Variants in ZBTB16 observed in about 807,000 individuals in gnomAD.
ZBTB16 encodes zinc finger and BTB domain-containing protein 16.
In ZBTB16, 8 loss-of-function variants were observed where a neutral mutation model predicts 56.8. The ratio of observed to expected loss-of-function variants is 0.14; its 90% CI spans 0.08 to 0.25. ZBTB16 has a LOEUF of 0.25. Ranked by LOEUF, ZBTB16 falls within the 10% of genes least tolerant of loss-of-function variation. The probability of loss-of-function intolerance (pLI) is 1.00; values close to 1 mark genes in which losing one functional copy is unlikely to be tolerated. For missense variants in ZBTB16, 625 were observed against 903.0 expected (o/e 0.69, Z 3.95); for synonymous variants, 363 against 368.5 (o/e 0.98, Z 0.17).
intron 2 of ZBTB16, among the ~76,000 whole-genome samples, chr11:114,072,827 C>T (rs562970783): frequency 2.0e-5 from 3 of 151,910 alleles, no homozygotes; most frequent in Non-Finnish European, 2.9e-5. Context: ...CCGAGGCGGG[C>T]GGATCACGAG....
intron 4 of ZBTB16, among the ~76,000 whole-genome samples, chr11:114,233,601 TCTC>T (rs1198517946): frequency 2.0e-5 from 3 of 152,032 alleles, no homozygotes; most frequent in East Asian, 1.9e-4. Flanking sequence ...ACCAAACTTC[TCTC>T]CTCCTTTTTT....
intron 2 of ZBTB16, among the ~76,000 whole-genome samples, chr11:114,116,328 C>G (rs2037326245): frequency 1.3e-5 from 2 of 152,126 alleles, no homozygotes; most frequent in South Asian, 4.1e-4. Context: ...TACTGGACCC[C>G]AGGTGTGTGT....
chr11:114,142,506 G>A (rs1941979661), intron 2 of ZBTB16, among the ~76,000 whole-genome samples: 1 of 152,216 alleles, frequency 6.6e-6, no homozygotes, highest in Non-Finnish European at 1.5e-5. Context: ...CAGAAATGAG[G>A]TGTTCAACAT....
intron 2 of ZBTB16, among the ~76,000 whole-genome samples, chr11:114,079,584 G>A (rs1318320828): frequency 6.6e-6 from 1 of 152,202 alleles, no homozygotes; most frequent in Non-Finnish European, 1.5e-5. Flanking sequence ...GAATGTTTGG[G>A]AATTCTTTCT....
chr11:114,092,165 G>C, intron 2 of ZBTB16, among the ~76,000 whole-genome samples: 1 of 152,196 alleles, frequency 6.6e-6, no homozygotes, highest in Non-Finnish European at 1.5e-5. Flanking sequence ...TGAAACAGGA[G>C]ACCCGAGAGG....
At chr11:114,132,011 G>C (rs1182096901) in intron 2 of ZBTB16, among the ~76,000 whole-genome samples, 1 of 152,106 alleles carries the variant, frequency 6.6e-6, no homozygotes, top group Non-Finnish European at 1.5e-5. Flanking sequence ...GTGTGTGAAA[G>C]GGGGAGCGGC....
intron 2 of ZBTB16, among the ~76,000 whole-genome samples, chr11:114,112,185 A>G (rs1941027182): frequency 6.6e-6 from 1 of 152,192 alleles, no homozygotes; most frequent in Non-Finnish European, 1.5e-5. Flanking sequence ...CTTTCGATAT[A>G]AATCAGAAAA....
intron 3 of ZBTB16, among the ~76,000 whole-genome samples, chr11:114,172,088 A>ACCTG (rs1477214004): frequency 2.0e-5 from 3 of 152,128 alleles, no homozygotes; most frequent in African/African-American, 7.2e-5. Context: ...GCTGAATGGA[A>ACCTG]CCTGAGAAAT....
intron 2 of ZBTB16, among the ~76,000 whole-genome samples, chr11:114,090,879 CAT>C (rs1940159022): frequency 6.6e-6 from 1 of 152,152 alleles, no homozygotes; most frequent in Non-Finnish European, 1.5e-5. Context: ...TTTTAAGAAA[CAT>C]ATGTATGGCT....
In ZBTB16 at chr11:114,256,137, A is replaced by G. The variant is rs1196691767; in HGVS notation, c.*5582A>G. On this transcript the variant is annotated 3_prime_UTR_variant, in exon 7 of 7. Coordinates refer to ENST00000335953, the MANE Select transcript of ZBTB16 (RefSeq NM_006006.6). The stretch of plus-strand genomic sequence containing the variant: ...CTCTGTATTACACATATTTAGACTT[A>G]TCTATGTGTCACTTTTATGCCACAT... 6.6e-6 allele frequency among the ~76,000 whole-genome samples: 1 copy of G among 151,704 alleles called. No homozygotes were observed. Among genetic ancestry groups the G allele is most frequent in the East Asian group, 1.9e-4 (1 of 5,174 alleles).
At chr11:114,098,026 G>A (rs889811544) in intron 2 of ZBTB16, among the ~76,000 whole-genome samples, 3 of 152,152 alleles carry the variant, frequency 2.0e-5, no homozygotes, top group African/African-American at 7.2e-5. Flanking sequence ...CATCTGTGAC[G>A]GGCCTTGTCT....
At chr11:114,158,607 C>T (rs531866547) in intron 3 of ZBTB16, among the ~76,000 whole-genome samples, 7 of 152,264 alleles carry the variant, frequency 4.6e-5, no homozygotes, top group South Asian at 4.1e-4. Context: ...ACTTGGGAGG[C>T]GGGGTTACAT....
Position 114,256,259 on chromosome 11 carries a change from C to G in ZBTB16, c.*5704C>G, listed in dbSNP as rs1378899833. On this transcript the variant is annotated 3_prime_UTR_variant, in exon 7 of 7. Transcript: ENST00000335953. ...ATCGTATGATCCTTGGTACAATGTG[C>G]TAGGTAGGCACTTGTTCACTTATTC... 6.6e-6 allele frequency among the ~76,000 whole-genome samples: 1 copy of G among 152,162 alleles called. No homozygotes were observed.
In ZBTB16 at chr11:114,064,146, C is replaced by T; in HGVS notation, c.846C>T (p.Thr282=). Residue 282 remains threonine, a synonymous_variant, in exon 2 of 7, where the codon ACC becomes ACT. Transcript: ENST00000335953. This position sits in a 1 kb window ranked among gnomAD's most constrained non-coding sequence, Gnocchi z 4.2. ...AAAGAGGCAAAGAGGGGCCTGGGAC[C>T]CCGACTCGAAGCAGCGTCATCACCA... is the stretch of plus-strand genomic sequence containing the variant. ...VEERGKEGPG[T]PTRSSVITSA... is the part of the protein sequence containing the mutation. 1 of 1,613,860 alleles carries T rather than the reference C, an allele frequency of 6.2e-7. No individual in the cohort carries two copies. Among genetic ancestry groups the T allele is most frequent in the Non-Finnish European group, 8.5e-7 (1 of 1,180,036 alleles).
chr11:114,111,964 TAAAG>T, intron 2 of ZBTB16, among the ~76,000 whole-genome samples: 1 of 152,288 alleles, frequency 6.6e-6, no homozygotes, highest in East Asian at 1.9e-4. Context: ...CGCACTTCAA[TAAAG>T]AAAGAATTTC....
At chr11:114,142,309 C>T (rs1222429258) in intron 2 of ZBTB16, among the ~76,000 whole-genome samples, 3 of 152,196 alleles carry the variant, frequency 2.0e-5, no homozygotes, top group Non-Finnish European at 4.4e-5. Context: ...TAGCTCTATG[C>T]CCTGCCAAGT....
At chr11:114,097,980 C>G (rs564146864) in intron 2 of ZBTB16, among the ~76,000 whole-genome samples, 1 of 152,110 alleles carries the variant, frequency 6.6e-6, no homozygotes, top group Non-Finnish European at 1.5e-5. Flanking sequence ...AGACTTGGTA[C>G]GTATGTGGTC....
chr11:114,232,101 C>T (rs577483697), intron 4 of ZBTB16, among the ~76,000 whole-genome samples: 2 of 152,246 alleles, frequency 1.3e-5, no homozygotes, highest in African/African-American at 2.4e-5. Flanking sequence ...TTTCATGCTC[C>T]GTCCCGATGT....
chr11:114,148,417 C>CTCTCTCTCTGTCTGTCTG (rs1374079137), intron 2 of ZBTB16, among the ~76,000 whole-genome samples: 1 of 19,316 alleles, frequency 5.2e-5, no homozygotes, highest in African/African-American at 2.1e-4. Flanking sequence ...CCCTCCCTCC[C>CTCTCTCTCTGTCTGTCTG]TCCCTCCCTC....
Sources: allele counts gnomAD v4.1 joint callset (sites outside exome capture counted in the v4.1 genomes callset), GRCh38; gene constraint gnomAD v4.1.1; non-coding constraint Gnocchi (gnomAD v3.1); transcripts MANE v1.5; gene names NCBI Gene and HGNC (gene_info 2026-07-23, HGNC 2026-07-21).